Variants in RBFOX1 observed in about 807,000 individuals in gnomAD.
RBFOX1 encodes the protein RNA binding fox-1 homolog 1, also known as RNA binding protein fox-1 homolog 1.
Under a neutral mutation model 57.7 loss-of-function variants are expected in RBFOX1, and 8 were observed. The observed-to-expected ratio is 0.14, with a 90% CI of 0.08 to 0.25. RBFOX1 has a LOEUF of 0.25. RBFOX1 is among the 10% of genes least tolerant of loss of function. The probability of loss-of-function intolerance (pLI) is 1.00; values close to 1 mark genes in which losing one functional copy is unlikely to be tolerated. For missense variants in RBFOX1, 611 were observed against 548.5 expected, an observed-to-expected ratio of 1.11 and a Z score of -1.14; for synonymous variants, 326 against 222.4, an observed-to-expected ratio of 1.47 and a Z score of -4.15.
chr16:5,471,574 C>T (rs765563632), intron 2 of RBFOX1, among the ~76,000 whole-genome samples: 14 of 152,088 alleles, frequency 9.2e-5, no homozygotes, highest in African/African-American at 1.9e-4. Context: ...TGCCCACCCC[C>T]GGAGAACCCT....
chr16:6,121,305 T>G (rs1269022420), intron 1 of RBFOX1, among the ~76,000 whole-genome samples: 1 of 152,202 alleles, frequency 6.6e-6, no homozygotes, highest in Non-Finnish European at 1.5e-5. Context: ...GGAGTCTGTA[T>G]TCTTTACAAG....
At chr16:7,260,663 AT>A (rs896700324) in intron 4 of RBFOX1, among the ~76,000 whole-genome samples, 13 of 151,346 alleles carry the variant, frequency 8.6e-5, no homozygotes, top group South Asian at 4.2e-4. Flanking sequence ...TAGTTTATTG[AT>A]TTTTTTTTAA....
chr16:6,950,703 T>G (rs1201422361), intron 3 of RBFOX1, among the ~76,000 whole-genome samples: 1 of 152,104 alleles, frequency 6.6e-6, no homozygotes, highest in Admixed American at 6.5e-5. Flanking sequence ...AAAAAAGAGT[T>G]GCTTAGGAGA....
intron 1 of RBFOX1, among the ~76,000 whole-genome samples, chr16:5,400,609 T>G (rs2066688483): frequency 6.6e-6 from 1 of 152,186 alleles, no homozygotes; most frequent in Admixed American, 6.5e-5. Flanking sequence ...ACTTACATAA[T>G]ATTCCATATT....
chr16:6,031,840 C>A (rs2095294793), intron 1 of RBFOX1, among the ~76,000 whole-genome samples: 1 of 152,184 alleles, frequency 6.6e-6, no homozygotes, highest in Non-Finnish European at 1.5e-5. Context: ...TGATCCCTTT[C>A]TGTTTGTATG....
intron 1 of RBFOX1, among the ~76,000 whole-genome samples, chr16:6,071,191 C>G (rs1027173662): frequency 3.1e-4 from 47 of 152,098 alleles, no homozygotes; most frequent in African/African-American, 1.1e-3. Flanking sequence ...ACGTGTGGCA[C>G]ATGCCTGTAG....
chr16:7,166,925 T>C (rs924103796), intron 4 of RBFOX1, among the ~76,000 whole-genome samples: 4 of 148,922 alleles, frequency 2.7e-5, no homozygotes, highest in Non-Finnish European at 5.9e-5. Context: ...TTTTCTTTCT[T>C]TACTGATGAC....
intron 4 of RBFOX1, among the ~76,000 whole-genome samples, chr16:7,287,427 A>C (rs548807399): frequency 7.9e-5 from 12 of 152,266 alleles, no homozygotes; most frequent in African/African-American, 2.9e-4. Flanking sequence ...TAGAATCACC[A>C]TCAAACTTGC....
At chr16:7,648,320 G>T (rs1184711557) in intron 11 of RBFOX1, among the ~76,000 whole-genome samples, 1 of 152,074 alleles carries the variant, frequency 6.6e-6, no homozygotes, top group Non-Finnish European at 1.5e-5. Flanking sequence ...CCTCTCCTGG[G>T]TTCAAGCGAT....
At chr16:5,288,645 A>C (rs1386738521) in intron 1 of RBFOX1, among the ~76,000 whole-genome samples, 1 of 150,592 alleles carries the variant, frequency 6.6e-6, no homozygotes, top group Non-Finnish European at 1.5e-5. Context: ...TTTTTTTTTA[A>C]CTAAAAGAGT....
intron 4 of RBFOX1, among the ~76,000 whole-genome samples, chr16:7,152,491 CT>C (rs1242521918): frequency 6.6e-6 from 1 of 152,138 alleles, no homozygotes; most frequent in African/African-American, 2.4e-5. Flanking sequence ...CAACTAGGAT[CT>C]TTAAAAATTG....
chr16:7,592,671 G>A (rs2094504145), intron 7 of RBFOX1, among the ~76,000 whole-genome samples: 1 of 152,158 alleles, frequency 6.6e-6, no homozygotes, highest in Admixed American at 6.5e-5. Flanking sequence ...TAGGAAGTTA[G>A]GCCCATCAGG....
intron 8 of RBFOX1, among the ~76,000 whole-genome samples, chr16:7,596,218 A>T (rs183501434): frequency 5.2e-4 from 73 of 140,730 alleles, no homozygotes; most frequent in Non-Finnish European, 9.3e-4. Context: ...TATTCTTTTG[A>T]TAACAAAGTG....
At chr16:6,421,628 G>C (rs965833893) in intron 2 of RBFOX1, among the ~76,000 whole-genome samples, 5 of 152,252 alleles carry the variant, frequency 3.3e-5, no homozygotes, top group Non-Finnish European at 4.4e-5. Flanking sequence ...CTGCCTCCTA[G>C]CGTCACCACG....
chr16:7,543,004 G>C (rs574395077), intron 5 of RBFOX1, among the ~76,000 whole-genome samples: 1 of 152,094 alleles, frequency 6.6e-6, no homozygotes, highest in Non-Finnish European at 1.5e-5. Flanking sequence ...CCTGTCCACC[G>C]CTCTAGGTTG....
At chr16:5,296,207 T>G (rs2063663970) in intron 1 of RBFOX1, among the ~76,000 whole-genome samples, 1 of 152,230 alleles carries the variant, frequency 6.6e-6, no homozygotes, top group Non-Finnish European at 1.5e-5. Flanking sequence ...TAGCTGGGCA[T>G]TCAGACTCGG....
chr16:6,836,330 A>G (rs1038278017), intron 3 of RBFOX1, among the ~76,000 whole-genome samples: 5 of 152,218 alleles, frequency 3.3e-5, no homozygotes, highest in Non-Finnish European at 5.9e-5. Context: ...CTCCAAAGAA[A>G]GAAAACTGCT....
At chr16:6,157,063 T>C (rs914915134) in intron 1 of RBFOX1, among the ~76,000 whole-genome samples, 1 of 152,056 alleles carries the variant, frequency 6.6e-6, no homozygotes, top group African/African-American at 2.4e-5. Flanking sequence ...CTCTCACTCC[T>C]GGTCTCCAGT....
At chr16:5,928,591 C>G (rs2058982765) in intron 4 of RBFOX1, among the ~76,000 whole-genome samples, 1 of 151,844 alleles carries the variant, frequency 6.6e-6, no homozygotes, top group Non-Finnish European at 1.5e-5. Context: ...CTATATGTTC[C>G]TCCTGCCACC....
Sources: gnomAD v4.1 joint callset for allele counts (sites outside exome capture counted in the v4.1 genomes callset) on GRCh38, gnomAD v4.1.1 for gene constraint, MANE v1.5 for transcripts, NCBI Gene and HGNC (gene_info 2026-07-23, HGNC 2026-07-21) for gene names.